AHCTF1: variants seen among roughly 807,000 people sequenced by gnomAD.
AHCTF1 encodes the protein AT-hook containing transcription factor 1.
A neutral mutation model predicts 248.4 loss-of-function variants in AHCTF1; 24 were observed. That is an observed-to-expected ratio of 0.10 (90% CI 0.07 to 0.14). AHCTF1 has a LOEUF of 0.14. Among genes scored for constraint, AHCTF1 ranks in the 10% least tolerant of loss-of-function variants. AHCTF1 has a pLI of 1.00. For synonymous variants in AHCTF1, 786 were observed against 929.8 expected, an observed-to-expected ratio of 0.85 and a Z score of 2.81; for missense variants, 2,206 against 2,636.2, an observed-to-expected ratio of 0.84 and a Z score of 3.57.
In AHCTF1 at chr1:246,900,258, T is replaced by C; in HGVS notation, c.1251-12A>G. On this transcript the variant is annotated splice_polypyrimidine_tract_variant and intron_variant, in intron 9 of 35. Transcript: ENST00000648844. The stretch of plus-strand genomic sequence containing the variant: ...GATATTCTCCTGACCTAAAAGAAAA[T>C]TTAAAACATTACTAAGTCATTGGTC... 1.9e-6 allele frequency: 3 copies of C among 1,583,794 alleles called. No homozygotes were observed. The highest frequency in any genetic ancestry group is 2.6e-6 in the Non-Finnish European group (3 of 1,170,478).
chr1:246,900,546 A>G, intron 8 of AHCTF1, 77 bp from the exon 9 acceptor site: 1 of 1,429,750 alleles, frequency 7.0e-7, no homozygotes, highest in African/African-American at 1.5e-5. Flanking sequence ...TTATAGCAAG[A>G]TTTTCTCATA....
At chr1:246,852,776 GA>G (rs1175000629) in intron 32 of AHCTF1, among the ~76,000 whole-genome samples, 1 of 151,750 alleles carries the variant, frequency 6.6e-6, no homozygotes, top group African/African-American at 2.4e-5. Flanking sequence ...TTTTTTCCCT[GA>G]GACAGGATTT....
chr1:246,863,085 G>A (rs1182766624), intron 27 of AHCTF1, among the ~76,000 whole-genome samples: 1 of 152,152 alleles, frequency 6.6e-6, no homozygotes, highest in African/African-American at 2.4e-5. Flanking sequence ...GAACCTAGCT[G>A]TAGAGAATAC....
chr1:246,887,440 G>T (rs1410317808), intron 19 of AHCTF1, 83 bp from the exon 20 acceptor site: 3 of 1,370,202 alleles, frequency 2.2e-6, no homozygotes, highest in Non-Finnish European at 3.0e-6. Flanking sequence ...GCAACAAAAT[G>T]TAGCATTAAA....
At chr1:246,876,802 T>C in intron 23 of AHCTF1, 148 bp downstream of exon 23, 1 of 971,328 alleles carries the variant, frequency 1.0e-6, no homozygotes, top group Non-Finnish European at 1.5e-6. Flanking sequence ...TTCCCAATTC[T>C]GTTACAGAGA....
Position 246,849,792 on chromosome 1 carries a change from T to A in AHCTF1, c.6214A>T (p.Met2072Leu). Residue 2072 changes from methionine (M) to leucine (L), a missense_variant, in exon 33 of 36, where the codon ATG becomes TTG. Coordinates refer to ENST00000648844, the MANE Select transcript of AHCTF1 (RefSeq NM_001323342.2). The stretch of plus-strand genomic sequence containing the variant: ...TGCTCATTTGTTTCTTTATGTGTCA[T>A]TTCATCTGTGCGTTCTTCTGATACT... ...HSVSEERTDE[M>L]THKETNEQEE... is the part of the protein sequence containing the mutation. The A allele has an allele frequency of 1.2e-6, 2 of 1,613,988 alleles. No individual in the cohort carries two copies. Among genetic ancestry groups the A allele is most frequent in the Non-Finnish European group, 1.7e-6 (2 of 1,179,866 alleles).
chr1:246,875,421 T>C (rs1662868038), intron 24 of AHCTF1, among the ~76,000 whole-genome samples: 1 of 152,254 alleles, frequency 6.6e-6, no homozygotes, highest in South Asian at 2.1e-4. Context: ...GAGTAGTTTG[T>C]TACTCACTAG....
chr1:246,929,354 A>G (rs1478631394), intron 1 of AHCTF1, among the ~76,000 whole-genome samples: 1 of 152,188 alleles, frequency 6.6e-6, no homozygotes, highest in Non-Finnish European at 1.5e-5. Flanking sequence ...GGTTGCAGTG[A>G]GCCAAGATCA....
intron 28 of AHCTF1, among the ~76,000 whole-genome samples, chr1:246,861,501 C>T (rs1661548786): frequency 6.6e-6 from 1 of 152,136 alleles, no homozygotes; most frequent in Admixed American, 6.5e-5. Context: ...TGGTAATATA[C>T]CAGTATTTTC....
chr1:246,867,744 A>G lies in AHCTF1; in HGVS notation c.3156T>C (p.Ser1052=), dbSNP rs565217176. 6.2e-7 allele frequency: 1 copy of G among 1,612,468 alleles called. No individual in the cohort carries two copies. The highest frequency in any genetic ancestry group is 2.2e-5 in the East Asian group (1 of 44,842). ...TAGATAACACATTGTTGATGAAAACAGATCTTGTCAACACAGTTCCTGTTA... is the reference window on the plus strand; with the variant it reads ...TAGATAACACATTGTTGATGAAAACGGATCTTGTCAACACAGTTCCTGTTA... ...QVVTGTVLTR[S]VFINNVLSKI... The change falls in exon 25 of 36, where the codon TCT becomes TCC. Residue 1052 remains serine (S), a synonymous_variant. Coordinates refer to ENST00000648844, the MANE Select transcript of AHCTF1 (RefSeq NM_001323342.2).
intron 31 of AHCTF1, among the ~76,000 whole-genome samples, chr1:246,854,995 C>G (rs1474875606): frequency 2.0e-5 from 3 of 152,172 alleles, no homozygotes; most frequent in Non-Finnish European, 4.4e-5. Context: ...CTGGATTACT[C>G]CATAATCATG....
At chr1:246,913,703 G>A (rs1443197970) in intron 3 of AHCTF1, among the ~76,000 whole-genome samples, 2 of 152,176 alleles carry the variant, frequency 1.3e-5, no homozygotes, top group Admixed American at 1.3e-4. Flanking sequence ...TCATGACAAT[G>A]CTTTGATAGT....
At chr1:246,919,778 G>A (rs1247918536) in intron 1 of AHCTF1, among the ~76,000 whole-genome samples, 2 of 151,060 alleles carry the variant, frequency 1.3e-5, no homozygotes, top group East Asian at 1.9e-4. Context: ...AGCAATCCAC[G>A]GAAACAACCA....
intron 14 of AHCTF1, among the ~76,000 whole-genome samples, chr1:246,893,202 G>T (rs973103805): frequency 6.6e-6 from 1 of 152,108 alleles, no homozygotes; most frequent in Non-Finnish European, 1.5e-5. Flanking sequence ...TTTTTACTCT[G>T]ATCCTAAACA....
In AHCTF1 at chr1:246,849,927, A is replaced by C. The variant is rs1660573422; in HGVS notation, c.6079T>G (p.Leu2027Val). ...TTTGGCACTAAAATGGATTTTCCTAAAGCTGGTTTTCCAACATCAACATTT... is the reference window on the plus strand; with the variant it reads ...TTTGGCACTAAAATGGATTTTCCTACAGCTGGTTTTCCAACATCAACATTT... ...SENVDVGKPA[L>V]GKSILVPNEE... The change falls in exon 33 of 36, where the codon TTA becomes GTA. Residue 2027 changes from leucine to valine, a missense_variant. Coordinates refer to ENST00000648844, the MANE Select transcript of AHCTF1 (RefSeq NM_001323342.2). 6.2e-7 allele frequency: 1 copy of C among 1,613,848 alleles called. No individual in the cohort carries two copies. The highest frequency in any genetic ancestry group is 1.3e-5 in the African/African-American group (1 of 74,902).
chr1:246,895,701 CTCTATTGCATCTTA>C, intron 13 of AHCTF1, 120 bp downstream of exon 13: 1 of 707,252 alleles, frequency 1.4e-6, no homozygotes, highest in Non-Finnish European at 2.3e-6. Context: ...GGTGGGATCT[CTCTATTGCATCTTA>C]ACAACTGCAT....
intron 28 of AHCTF1, among the ~76,000 whole-genome samples, chr1:246,861,537 A>G (rs1229644847): frequency 6.6e-6 from 1 of 152,250 alleles, no homozygotes; most frequent in Non-Finnish European, 1.5e-5. Flanking sequence ...AGAACAGGCT[A>G]GATGACCAAT....
intron 18 of AHCTF1, 38 bp downstream of exon 18, chr1:246,888,356 T>C (rs1299787437): frequency 6.2e-7 from 1 of 1,612,742 alleles, no homozygotes. Context: ...TCCCCAGCTT[T>C]GTAGACTCTA....
At chr1:246,888,899 C>CT (rs1443572342) in intron 17 of AHCTF1, among the ~76,000 whole-genome samples, 1 of 152,088 alleles carries the variant, frequency 6.6e-6, no homozygotes, top group African/African-American at 2.4e-5. Context: ...GACCCTGTCT[C>CT]TAAAAACAGA....
Sources: allele counts gnomAD v4.1 joint callset (sites outside exome capture counted in the v4.1 genomes callset), GRCh38; gene constraint gnomAD v4.1.1; transcripts MANE v1.5; gene names NCBI Gene and HGNC (gene_info 2026-07-23, HGNC 2026-07-21).